TRIM4: variants seen among roughly 807,000 people sequenced by gnomAD.
TRIM4 encodes the protein E3 ubiquitin-protein ligase TRIM4.
In TRIM4, 29 loss-of-function variants were observed where a neutral mutation model predicts 33.7. The ratio of observed to expected loss-of-function variants is 0.86; its 90% CI spans 0.64 to 1.17. The LOEUF is 1.17. Among genes scored for constraint, TRIM4 ranks in the 50% most tolerant of loss-of-function variants. The pLI is 0.00. For missense variants in TRIM4, 554 were observed against 593.7 expected, an observed-to-expected ratio of 0.93 and a Z score of 0.69; for synonymous variants, 224 against 233.0, an observed-to-expected ratio of 0.96 and a Z score of 0.35.
chr7:99,900,781 C>T (rs1819146249), intron 5 of TRIM4, among the ~76,000 whole-genome samples: 2 of 152,166 alleles, frequency 1.3e-5, no homozygotes, highest in Admixed American at 6.6e-5. Flanking sequence ...TGCTTACTGG[C>T]ATTGTTTCCA....
chr7:99,892,364 T>G lies in TRIM4; in HGVS notation c.1224A>C (p.Gly408=). 1 of 1,613,866 alleles carries G rather than the reference T, an allele frequency of 6.2e-7. No homozygotes were observed. The highest frequency in any genetic ancestry group is 8.5e-7 in the Non-Finnish European group (1 of 1,179,928). ...GAGCTGGCTCTTGCTGGGTGGGAGT[T>G]CCAGGGAAGCCTATCAAGGGCCAAT... ...AGYWPLIGFP[G]TPTQQEPALH... The change falls in exon 6 of 6, where the codon GGA becomes GGC. Residue 408 remains glycine, a synonymous_variant. Transcript: ENST00000349062.
intron 3 of TRIM4, among the ~76,000 whole-genome samples, chr7:99,904,222 C>T (rs967706988): frequency 2.0e-5 from 3 of 152,074 alleles, no homozygotes; most frequent in Admixed American, 6.5e-5. Context: ...TTCTAAGTAA[C>T]ATATCAGGTA....
chr7:99,891,757 C>T lies in TRIM4; in HGVS notation c.*406G>A, dbSNP rs1274652019. 1.2e-5 allele frequency: 2 copies of T among 172,944 alleles called. No individual in the cohort carries two copies. Among genetic ancestry groups the T allele is most frequent in the African/African-American group, 2.4e-5 (1 of 41,828 alleles). 10.7% of individuals were successfully genotyped at this position (172,944 alleles called of 1,614,324 possible). ...CTAAAATTGTCTTATACAATAAGGG[C>T]GTAATTATCTCATATAACAAGAAGC... is the stretch of plus-strand genomic sequence containing the variant. On this transcript the variant is annotated 3_prime_UTR_variant, in exon 6 of 6. Transcript: ENST00000349062.
At chr7:99,899,461 G>T (rs551182228) in intron 5 of TRIM4, among the ~76,000 whole-genome samples, 1 of 152,046 alleles carries the variant, frequency 6.6e-6, no homozygotes, top group African/African-American at 2.4e-5. Context: ...TCTCCTCTTC[G>T]GCCTTTCAGA....
At chr7:99,910,831 G>A (rs1404298516) in intron 1 of TRIM4, among the ~76,000 whole-genome samples, 5 of 152,214 alleles carry the variant, frequency 3.3e-5, no homozygotes, top group African/African-American at 7.2e-5. Flanking sequence ...GGCAGCACCC[G>A]ATAGTAGGAT....
intron 5 of TRIM4, 49 bp from the exon 6 acceptor site, chr7:99,892,795 T>C: frequency 1.4e-6 from 2 of 1,475,570 alleles, no homozygotes; most frequent in Non-Finnish European, 1.8e-6. Flanking sequence ...TCATCAACCC[T>C]TCCCCAGAAA....
Position 99,908,832 on chromosome 7 carries a change from G to A in TRIM4, c.490-20C>T. The A allele has an allele frequency of 6.2e-7, 1 of 1,602,604 alleles. No individual in the cohort carries two copies. The highest frequency in any genetic ancestry group is 8.5e-7 in the Non-Finnish European group (1 of 1,173,392). On this transcript the variant is annotated intron_variant, in intron 2 of 5. Transcript: ENST00000349062. Reference sequence around the variant, plus strand: ...CTTATCCTAAGGCCACATGAGATTTGCTCACTCCTTTTTCTGCCTGACCCC... The same window carrying A: ...CTTATCCTAAGGCCACATGAGATTTACTCACTCCTTTTTCTGCCTGACCCC...
At chr7:99,910,012 A>G (rs1819404258) in intron 1 of TRIM4, among the ~76,000 whole-genome samples, 1 of 151,920 alleles carries the variant, frequency 6.6e-6, no homozygotes, top group African/African-American at 2.4e-5. Flanking sequence ...GATTACAGCC[A>G]TGAGCCACCA....
intron 1 of TRIM4, among the ~76,000 whole-genome samples, chr7:99,915,054 C>T (rs764750145): frequency 6.6e-6 from 1 of 152,208 alleles, no homozygotes; most frequent in South Asian, 2.1e-4. Flanking sequence ...AAGGGATCCT[C>T]GCGTCTCAGC....
At chr7:99,909,801 T>C in intron 1 of TRIM4, 141 bp from the exon 2 acceptor site, 2 of 671,370 alleles carry the variant, frequency 3.0e-6, no homozygotes, top group Middle Eastern at 3.5e-4. Flanking sequence ...GGCCTGATCA[T>C]GGCTCACTAC....
chr7:99,901,317 CACTCATAATAA>C (rs1314086557), intron 5 of TRIM4: 2 of 152,286 alleles, frequency 1.3e-5, no homozygotes, highest in South Asian at 2.1e-4. Context: ...TTACAGAATA[CACTCATAATAA>C]ATGTTTTAAA....
intron 1 of TRIM4, chr7:99,918,012 C>T (rs1032746663): frequency 2.1e-5 from 4 of 189,518 alleles, no homozygotes; most frequent in African/African-American, 9.5e-5. Context: ...TGAGATAGGA[C>T]AGATAATCCC....
At chr7:99,902,144 CT>C (rs757008736) in intron 5 of TRIM4, 1 of 765,264 alleles carries the variant, frequency 1.3e-6, no homozygotes, top group South Asian at 1.3e-5. Context: ...CATATTGTGC[CT>C]GTTTTGTTTT....
intron 5 of TRIM4, among the ~76,000 whole-genome samples, chr7:99,898,860 A>G (rs187945874): frequency 5.9e-5 from 9 of 152,314 alleles, no homozygotes; most frequent in Admixed American, 2.6e-4. Context: ...CTAGAAACCC[A>G]TATTTCAGTA....
chr7:99,917,395 C>T (rs979335095), intron 1 of TRIM4, among the ~76,000 whole-genome samples: 4 of 152,220 alleles, frequency 2.6e-5, no homozygotes, highest in Non-Finnish European at 4.4e-5. Flanking sequence ...CAGTATTTTA[C>T]AGTTTCCAAA....
At chr7:99,908,844 T>C (rs1819370400) in intron 2 of TRIM4, 32 bp from the exon 3 acceptor site, 3 of 1,589,478 alleles carry the variant, frequency 1.9e-6, no homozygotes, top group Non-Finnish European at 2.6e-6. Context: ...TCACTCCTTT[T>C]TCTGCCTGAC....
At chr7:99,893,686 A>G (rs1198818619) in intron 5 of TRIM4, among the ~76,000 whole-genome samples, 1 of 152,056 alleles carries the variant, frequency 6.6e-6, no homozygotes, top group Non-Finnish European at 1.5e-5. Context: ...CTAACCTTCA[A>G]TAGCTAGTTA....
chr7:99,916,187 C>T (rs1356098831), intron 1 of TRIM4, among the ~76,000 whole-genome samples: 1 of 152,196 alleles, frequency 6.6e-6, no homozygotes, highest in Non-Finnish European at 1.5e-5. Flanking sequence ...ATATTTCCCT[C>T]GGCCCCCACC....
At chr7:99,900,161 T>G (rs1030716377) in intron 5 of TRIM4, among the ~76,000 whole-genome samples, 17 of 152,210 alleles carry the variant, frequency 1.1e-4, no homozygotes, top group Non-Finnish European at 2.4e-4. Context: ...CTGTGTGAGT[T>G]GGCAGGCTCA....
Sources: gnomAD v4.1 joint callset for allele counts (sites outside exome capture counted in the v4.1 genomes callset) on GRCh38, gnomAD v4.1.1 for gene constraint, MANE v1.5 for transcripts, NCBI Gene and HGNC (gene_info 2026-07-23, HGNC 2026-07-21) for gene names.